The following FHIT variants were observed in gnomAD, a reference collection of about 807,000 sequenced individuals.
FHIT encodes bis(5'-adenosyl)-triphosphatase.
A neutral mutation model predicts 17.9 loss-of-function variants in FHIT; 19 were observed. The ratio of observed to expected loss-of-function variants is 1.06; its 90% CI spans 0.74 to 1.56. The LOEUF is 1.56. FHIT is among the 40% of genes most tolerant of loss of function. FHIT has a pLI of 0.00. For missense variants in FHIT, 248 were observed against 189.2 expected (o/e 1.31, Z -1.82); for synonymous variants, 81 against 69.7 (o/e 1.16, Z -0.81).
intron 5 of FHIT, among the ~76,000 whole-genome samples, chr3:60,091,526 G>C (rs1229727427): frequency 2.0e-5 from 3 of 152,108 alleles, no homozygotes; most frequent in East Asian, 1.9e-4. Context: ...ATAAAGAAGA[G>C]ACTGGCATGT....
intron 8 of FHIT, among the ~76,000 whole-genome samples, chr3:59,860,869 C>T (rs543045180): frequency 2.0e-5 from 3 of 152,220 alleles, no homozygotes; most frequent in South Asian, 2.1e-4. Context: ...TGAAATAGCA[C>T]GGTATGAAAA....
chr3:61,097,745 T>C (rs894698396), intron 2 of FHIT, among the ~76,000 whole-genome samples: 6 of 152,342 alleles, frequency 3.9e-5, no homozygotes, highest in East Asian at 1.9e-4. Context: ...GCCACATGTA[T>C]GTCTTCTTTT....
intron 3 of FHIT, among the ~76,000 whole-genome samples, chr3:60,923,528 T>C (rs144556256): frequency 6.6e-4 from 101 of 152,346 alleles, no homozygotes; most frequent in Middle Eastern, 3.4e-3. Context: ...TCAATAATTA[T>C]ACTTCCTAAA....
rs374333681 is a variant in FHIT, at chr3:61,189,124, G to A, written c.-164+11493C>T. The stretch of plus-strand genomic sequence containing the variant: ...AAGGAAATAAAGGGTATTGAATTAG[G>A]AAAAGAGGAAGTCAAACTGTCCCTG... On this transcript the variant is annotated intron_variant, in intron 2 of 9. Transcript: ENST00000492590. Among the ~76,000 whole-genome samples, 72 of 152,280 alleles carry A rather than the reference G, an allele frequency of 4.7e-4. No individual in the cohort carries two copies. The East Asian group carries it at 5.6e-3, about 12-fold the overall frequency.
At chr3:60,217,801 T>G (rs1198246550) in intron 5 of FHIT, among the ~76,000 whole-genome samples, 2 of 152,184 alleles carry the variant, frequency 1.3e-5, no homozygotes, top group African/African-American at 2.4e-5. Flanking sequence ...CTGCCCATGG[T>G]TCAGATCTCA....
At chr3:60,226,270 C>G (rs1229364539) in intron 5 of FHIT, among the ~76,000 whole-genome samples, 1 of 151,928 alleles carries the variant, frequency 6.6e-6, no homozygotes, top group Non-Finnish European at 1.5e-5. Flanking sequence ...GTAGAGAGTT[C>G]AAGACCAGCC....
At chr3:60,275,628 T>TACACAC (rs146364506) in intron 5 of FHIT, among the ~76,000 whole-genome samples, 1 of 149,742 alleles carries the variant, frequency 6.7e-6, no homozygotes, top group Admixed American at 6.7e-5. Context: ...GTCAATGCCA[T>TACACAC]ACACACACAC....
At chr3:60,764,730 T>C (rs1380772065) in intron 4 of FHIT, among the ~76,000 whole-genome samples, 2 of 151,328 alleles carry the variant, frequency 1.3e-5, no homozygotes, top group African/African-American at 4.8e-5. Flanking sequence ...ATTATAGATA[T>C]ATTAATATGT....
rs1702623552 is a variant in FHIT at position 60,425,357 on chromosome 3, G to C, written c.103+111503C>G. On this transcript the variant is annotated intron_variant, in intron 5 of 9. Coordinates refer to ENST00000492590, the MANE Select transcript of FHIT (RefSeq NM_002012.4). ...TAAAGCCAAGACCACTGCCAAAGAT[G>C]ATCTTTCTCTCCAATGTTCAGTAAA... is the stretch of plus-strand genomic sequence containing the variant. Among the ~76,000 whole-genome samples, 4 of 152,228 alleles carry C rather than the reference G, an allele frequency of 2.6e-5. No homozygotes were observed. In the South Asian group the frequency reaches 8.3e-4, roughly 32 times the overall value.
chr3:60,471,934 T>C lies in FHIT; in HGVS notation c.103+64926A>G, dbSNP rs551742322. On this transcript the variant is annotated intron_variant, in intron 5 of 9. Transcript: ENST00000492590. ...TTCAAATAAAGAGATTAGGCTGACA[T>C]GAATGATCATATTTTTAATAACTTA... Among the ~76,000 whole-genome samples the C allele has an allele frequency of 5.3e-5, 8 of 152,276 alleles. No homozygotes were observed. In the South Asian group the frequency reaches 6.2e-4, roughly 12 times the overall value.
At chr3:61,167,288 C>G (rs1011831803) in intron 2 of FHIT, among the ~76,000 whole-genome samples, 4 of 151,192 alleles carry the variant, frequency 2.6e-5, no homozygotes, top group African/African-American at 9.7e-5. Flanking sequence ...TATAAAAATT[C>G]AATTAATAAC....
chr3:61,233,010 C>A (rs901154001), intron 1 of FHIT, among the ~76,000 whole-genome samples: 1 of 152,040 alleles, frequency 6.6e-6, no homozygotes, highest in Non-Finnish European at 1.5e-5. Context: ...GAGATGGGTA[C>A]AAAGATGAGG....
chr3:60,754,438 T>A (rs1203285593), intron 4 of FHIT, among the ~76,000 whole-genome samples: 16 of 152,274 alleles, frequency 1.1e-4, no homozygotes, highest in African/African-American at 3.6e-4. Context: ...GTCATACTCT[T>A]AAAGGTATCT....
In FHIT at chr3:59,898,442, T is replaced by TTGTGTGTGTGTGTG. The variant is rs3075168; in HGVS notation, c.348+23890_348+23903dup. Among the ~76,000 whole-genome samples, 177 of 145,944 alleles carry TTGTGTGTGTGTGTG rather than the reference T, an allele frequency of 1.2e-3. 1 individual carries two copies. The highest frequency in any genetic ancestry group is 3.5e-3 in the Middle Eastern group (1 of 284). On this transcript the variant is annotated intron_variant, in intron 8 of 9. Transcript: ENST00000492590. ...TGTATATATGTGTGCGTGTGTATGT[T>TTGTGTGTGTGTGTG]TGTGTGTGTGTGTGTGTGTGTGTGT...
Position 60,637,037 on chromosome 3 carries a change from C to G in FHIT, c.-17-100058G>C, listed in dbSNP as rs573461348. The stretch of plus-strand genomic sequence containing the variant: ...TGGGAAACAGCTGCTGTCTGGGAAT[C>G]CTGGCAGCACCAGGGATAGAGAGAG... On this transcript the variant is annotated intron_variant, in intron 4 of 9. Transcript: ENST00000492590. Among the ~76,000 whole-genome samples the G allele has an allele frequency of 5.3e-5, 8 of 152,208 alleles. No individual in the cohort carries two copies. The South Asian group carries it at 1.7e-3, about 32-fold the overall frequency.
intron 4 of FHIT, among the ~76,000 whole-genome samples, chr3:60,767,777 C>T (rs1341895180): frequency 6.6e-6 from 1 of 152,174 alleles, no homozygotes; most frequent in Non-Finnish European, 1.5e-5. Context: ...TTCTATTGCG[C>T]CCCAACAAGA....
intron 4 of FHIT, chr3:60,690,472 A>G: frequency 1.7e-6 from 1 of 572,108 alleles, no homozygotes; most frequent in South Asian, 1.4e-5. Flanking sequence ...CTCGTCATCA[A>G]ATTTCTCCCT....
intron 5 of FHIT, among the ~76,000 whole-genome samples, chr3:60,486,665 A>G (rs969032358): frequency 6.6e-6 from 1 of 152,202 alleles, no homozygotes; most frequent in Non-Finnish European, 1.5e-5. Context: ...AAATCTTAAT[A>G]ACTTCAAATA....
intron 4 of FHIT, among the ~76,000 whole-genome samples, chr3:60,579,423 G>A (rs2037682631): frequency 6.6e-6 from 1 of 152,070 alleles, no homozygotes; most frequent in Non-Finnish European, 1.5e-5. Flanking sequence ...TGATCAAAAT[G>A]TCATTATGTG....
Sources: allele counts gnomAD v4.1 joint callset (sites outside exome capture counted in the v4.1 genomes callset), GRCh38; gene constraint gnomAD v4.1.1; transcripts MANE v1.5; gene names NCBI Gene and HGNC (gene_info 2026-07-23, HGNC 2026-07-21).